LASP1: variants seen among roughly 807,000 people sequenced by gnomAD.
The protein encoded by LASP1 is LIM and SH3 domain protein 1.
In LASP1, 10 loss-of-function variants were observed where a neutral mutation model predicts 38.6. The ratio of observed to expected loss-of-function variants is 0.26; its 90% CI spans 0.16 to 0.44. The LOEUF is 0.44. Among genes scored for constraint, LASP1 ranks in the 20% least tolerant of loss-of-function variants. The pLI is 1.00. For missense variants in LASP1, 243 were observed against 375.7 expected (o/e 0.65, Z 2.92); for synonymous variants, 132 against 140.8 (o/e 0.94, Z 0.44).
intron 6 of LASP1, among the ~76,000 whole-genome samples, chr17:38,917,799 C>T (rs1411838255): frequency 1.3e-5 from 2 of 152,026 alleles, no homozygotes; most frequent in Non-Finnish European, 2.9e-5. Flanking sequence ...AAGCCATCCT[C>T]CCACCTCAGC....
At chr17:38,884,783 C>T (rs951908035) in intron 2 of LASP1, among the ~76,000 whole-genome samples, 4 of 146,560 alleles carry the variant, frequency 2.7e-5, no homozygotes, top group Admixed American at 6.8e-5. Context: ...CTCCGCTTCC[C>T]GGGTTCAAGG....
intron 3 of LASP1, among the ~76,000 whole-genome samples, chr17:38,892,576 A>ACAC (rs1914363671): frequency 6.6e-6 from 1 of 150,994 alleles, no homozygotes; most frequent in African/African-American, 2.4e-5. Context: ...ACACACACAC[A>ACAC]CACACACACA....
intron 3 of LASP1, among the ~76,000 whole-genome samples, chr17:38,891,250 C>T (rs1299430381): frequency 6.6e-6 from 1 of 152,028 alleles, no homozygotes; most frequent in Non-Finnish European, 1.5e-5. Context: ...CGCGAGAATA[C>T]ATGTAGGGGA....
At chr17:38,871,048 C>G (rs1053290743) in intron 1 of LASP1, among the ~76,000 whole-genome samples, 4 of 150,102 alleles carry the variant, frequency 2.7e-5, no homozygotes, top group Non-Finnish European at 5.9e-5. Flanking sequence ...GCCAGGAGAC[C>G]GTGTGGAAGA....
chr17:38,897,383 A>G (rs1439410232), intron 3 of LASP1, among the ~76,000 whole-genome samples: 1 of 152,202 alleles, frequency 6.6e-6, no homozygotes, highest in African/African-American at 2.4e-5. Context: ...TCCTGGGCTG[A>G]CCTGTGTCCA....
intron 1 of LASP1, among the ~76,000 whole-genome samples, chr17:38,874,623 T>G (rs1209739998): frequency 2.0e-5 from 3 of 152,156 alleles, no homozygotes; most frequent in African/African-American, 7.2e-5. Context: ...CTTCCAGCAC[T>G]CTGGGAGACA....
chr17:38,877,318 G>A (rs1913810976), intron 1 of LASP1, among the ~76,000 whole-genome samples: 1 of 152,228 alleles, frequency 6.6e-6, no homozygotes, highest in South Asian at 2.1e-4. Context: ...GTGGGGTAGA[G>A]CTTTGATGTC....
intron 3 of LASP1, among the ~76,000 whole-genome samples, chr17:38,894,074 G>C (rs1039170980): frequency 1.3e-5 from 2 of 152,130 alleles, no homozygotes; most frequent in Non-Finnish European, 2.9e-5. Context: ...GGTAACCACA[G>C]AACTGTCCAG....
chr17:38,899,754 T>TTTTTTTTTTG (rs1914589151), intron 4 of LASP1, among the ~76,000 whole-genome samples: 1 of 146,596 alleles, frequency 6.8e-6, no homozygotes, highest in South Asian at 2.1e-4. Context: ...GATCTTTTTT[T>TTTTTTTTTTG]TTTTTTTTGA....
intron 3 of LASP1, chr17:38,896,980 ACCTTC>A: frequency 1.0e-6 from 1 of 985,384 alleles, no homozygotes; most frequent in African/African-American, 1.7e-5. Context: ...TGAGTGCCCT[ACCTTC>A]CCCGATGCCC....
At chr17:38,915,503 C>G (rs1377916557) in intron 6 of LASP1, 1 of 178,966 alleles carries the variant, frequency 5.6e-6, no homozygotes, top group Non-Finnish European at 1.2e-5. Context: ...TCCTTCAGCT[C>G]TCAGGCTGCC....
At chr17:38,894,688 G>A (rs895022608) in intron 3 of LASP1, among the ~76,000 whole-genome samples, 3 of 152,004 alleles carry the variant, frequency 2.0e-5, no homozygotes, top group African/African-American at 4.8e-5. Context: ...TTCCAGCCCC[G>A]GCCCTTTCCA....
chr17:38,919,056 T>C lies in LASP1; in HGVS notation c.*278T>C. The C allele has an allele frequency of 1.5e-5, 4 of 261,200 alleles. No homozygotes were observed. The highest frequency in any genetic ancestry group is 6.6e-5 in the Admixed American group (1 of 15,070). 16.2% of individuals were successfully genotyped at this position (261,200 alleles called of 1,614,324 possible). ...GGAGGCAGGGCTGGAATGGGAGACC[T>C]GTTGGCCTGTGGGCCTCACCTGCCC... is the stretch of plus-strand genomic sequence containing the variant. On this transcript the variant is annotated 3_prime_UTR_variant, in exon 7 of 7. Transcript: ENST00000318008.
intron 3 of LASP1, among the ~76,000 whole-genome samples, chr17:38,893,108 A>G (rs1389125610): frequency 6.6e-6 from 1 of 152,226 alleles, no homozygotes; most frequent in Non-Finnish European, 1.5e-5. Flanking sequence ...CCCATCATAC[A>G]GATAGGGAAA....
At chr17:38,879,622 C>G (rs1913883569) in intron 2 of LASP1, among the ~76,000 whole-genome samples, 1 of 150,684 alleles carries the variant, frequency 6.6e-6, no homozygotes, top group Non-Finnish European at 1.5e-5. Context: ...TGAAGTTCAC[C>G]CAGGGAAAAA....
intron 4 of LASP1, among the ~76,000 whole-genome samples, chr17:38,906,657 C>G (rs1387353790): frequency 6.6e-6 from 1 of 152,212 alleles, no homozygotes; most frequent in Non-Finnish European, 1.5e-5. Flanking sequence ...TTCCCTCGTT[C>G]ACTGTGATGT....
At chr17:38,902,239 T>C (rs1914660944) in intron 4 of LASP1, among the ~76,000 whole-genome samples, 1 of 151,926 alleles carries the variant, frequency 6.6e-6, no homozygotes, top group African/African-American at 2.4e-5. Context: ...TTTTCTTTTT[T>C]TTGCAGAGAC....
chr17:38,890,188 G>T, intron 2 of LASP1: 1 of 539,414 alleles, frequency 1.9e-6, no homozygotes. Context: ...TCCTTGGCTG[G>T]CCCATCACTG....
intron 3 of LASP1, among the ~76,000 whole-genome samples, chr17:38,892,475 C>A (rs1914356560): frequency 2.0e-5 from 3 of 152,080 alleles, no homozygotes. Context: ...TGTGGAAGGG[C>A]CATGGGGGCC....
Sources: gnomAD v4.1 joint callset for allele counts (sites outside exome capture counted in the v4.1 genomes callset) on GRCh38, gnomAD v4.1.1 for gene constraint, MANE v1.5 for transcripts, NCBI Gene and HGNC (gene_info 2026-07-23, HGNC 2026-07-21) for gene names.